Variants in CEP128 observed in about 807,000 individuals in gnomAD.
CEP128 encodes the protein centrosomal protein 128, also known as centrosomal protein 128kDa.
CEP128 carries 132 observed loss-of-function variants against 156.7 expected under a neutral mutation model. The observed-to-expected ratio is 0.84, with a 90% CI of 0.73 to 0.97. The LOEUF (loss-of-function observed/expected upper bound fraction) is 0.97, where lower values mean the gene tolerates loss of function less well. Ranked by LOEUF, CEP128 falls within the 50% of genes least tolerant of loss-of-function variation. The probability of loss-of-function intolerance (pLI) is 0.00; values close to 1 mark genes in which losing one functional copy is unlikely to be tolerated. For synonymous variants in CEP128, 469 were observed against 448.9 expected (o/e 1.04, Z -0.57); for missense variants, 1,252 against 1,281.9 (o/e 0.98, Z 0.36).
intron 8 of CEP128, among the ~76,000 whole-genome samples, chr14:80,875,243 G>C (rs1054119154): frequency 2.6e-5 from 4 of 152,144 alleles, no homozygotes; most frequent in Non-Finnish European, 5.9e-5. Context: ...AAATACTTAA[G>C]ACCCAGTACC....
At chr14:80,500,579 C>T (rs546752025) in intron 24 of CEP128, among the ~76,000 whole-genome samples, 1 of 152,294 alleles carries the variant, frequency 6.6e-6, no homozygotes, top group South Asian at 2.1e-4. Context: ...ATACACATAT[C>T]AAATAATACC....
intron 11 of CEP128, 44 bp from the exon 12 acceptor site, chr14:80,836,381 G>A (rs1595476618): frequency 1.2e-6 from 2 of 1,611,030 alleles, no homozygotes; most frequent in Non-Finnish European, 1.7e-6. Context: ...CACAATCAGA[G>A]AAAGACCTAC....
chr14:80,906,376 T>G (rs146021792), intron 4 of CEP128, among the ~76,000 whole-genome samples: 100 of 152,244 alleles, frequency 6.6e-4, no homozygotes, highest in African/African-American at 2.3e-3. Context: ...CAAATTGAAA[T>G]GTCTAATTGG....
intron 19 of CEP128, among the ~76,000 whole-genome samples, chr14:80,707,595 T>A (rs1415668676): frequency 2.6e-5 from 4 of 152,184 alleles, no homozygotes; most frequent in Non-Finnish European, 5.9e-5. Context: ...AAGCTGTACA[T>A]ACACATCAAA....
intron 12 of CEP128, among the ~76,000 whole-genome samples, chr14:80,834,049 C>G (rs1346234059): frequency 6.6e-6 from 1 of 152,086 alleles, no homozygotes. Flanking sequence ...TGAGCAACTC[C>G]ATTTGGAGGG....
chr14:80,580,455 T>A, intron 19 of CEP128, 32 bp from the exon 20 acceptor site: 1 of 1,436,566 alleles, frequency 7.0e-7, no homozygotes, highest in Non-Finnish European at 9.7e-7. Context: ...CCCATCAAAA[T>A]ACAATGTAAA....
intron 12 of CEP128, 60 bp from the exon 13 acceptor site, chr14:80,831,354 C>T (rs1029245382): frequency 5.3e-6 from 8 of 1,520,580 alleles, no homozygotes; most frequent in Non-Finnish European, 6.4e-6. Context: ...AATGTACTTT[C>T]AAATAGTACT....
At chr14:80,760,631 A>C (rs569099817) in intron 17 of CEP128, among the ~76,000 whole-genome samples, 3 of 152,084 alleles carry the variant, frequency 2.0e-5, no homozygotes, top group Non-Finnish European at 2.9e-5. Context: ...AATGATGCTA[A>C]ACTGTAATGT....
chr14:80,823,901 C>A (rs2140010418), intron 13 of CEP128, among the ~76,000 whole-genome samples: 1 of 152,366 alleles, frequency 6.6e-6, no homozygotes, highest in South Asian at 2.1e-4. Flanking sequence ...GGGATTCCAA[C>A]CCCACATTTC....
chr14:80,652,949 T>C (rs1214098554), intron 19 of CEP128, among the ~76,000 whole-genome samples: 3 of 152,162 alleles, frequency 2.0e-5, no homozygotes, highest in African/African-American at 7.2e-5. Flanking sequence ...CTAATGCCCA[T>C]TAATGATAGA....
At chr14:80,694,845 A>T (rs1444521540) in intron 19 of CEP128, among the ~76,000 whole-genome samples, 2 of 151,964 alleles carry the variant, frequency 1.3e-5, no homozygotes, top group African/African-American at 4.8e-5. Flanking sequence ...ACAGCAAACC[A>T]TCATGGCACA....
At chr14:80,798,623 CTTAT>C (rs749085844) in intron 13 of CEP128, among the ~76,000 whole-genome samples, 2 of 152,154 alleles carry the variant, frequency 1.3e-5, no homozygotes, top group Non-Finnish European at 2.9e-5. Flanking sequence ...GTGAATTCTC[CTTAT>C]TATTATTTAA....
intron 8 of CEP128, among the ~76,000 whole-genome samples, chr14:80,865,221 T>C (rs985053639): frequency 3.9e-5 from 6 of 152,246 alleles, no homozygotes; most frequent in Non-Finnish European, 7.3e-5. Flanking sequence ...CATAATGTCT[T>C]TCAGGTTCAT....
intron 13 of CEP128, among the ~76,000 whole-genome samples, chr14:80,824,775 C>T (rs184681355): frequency 4.0e-4 from 61 of 152,276 alleles, no homozygotes; most frequent in African/African-American, 1.4e-3. Flanking sequence ...TTCATGTATT[C>T]TTTTGAGTCT....
rs1489147261 is a variant in CEP128 at position 80,554,000 on chromosome 14, T to C, written c.2880+5279A>G. Among the ~76,000 whole-genome samples the C allele has an allele frequency of 4.6e-5, 7 of 152,336 alleles. No individual in the cohort carries two copies. In the East Asian group the frequency reaches 1.2e-3, roughly 25 times the overall value. ...GTGATTTACCCATAGAATTTTTCCA[T>C]ATGACCTTTATCAGATTAAGAAAGT... On this transcript the variant is annotated intron_variant, in intron 21 of 24. Transcript: ENST00000555265.
intron 1 of CEP128, 144 bp downstream of exon 1, chr14:80,941,437 C>T (rs1886150922): frequency 6.6e-6 from 1 of 152,416 alleles, no homozygotes; most frequent in African/African-American, 2.4e-5. Flanking sequence ...CCTCTGCACA[C>T]ACTCCACCCA....
chr14:80,542,942 C>G (rs1192372121), intron 21 of CEP128, among the ~76,000 whole-genome samples: 2 of 152,076 alleles, frequency 1.3e-5, no homozygotes, highest in African/African-American at 4.8e-5. Flanking sequence ...GGGCTATTTT[C>G]TTTTTTAGAG....
At chr14:80,477,049 T>C (rs1438217449) in exon 15 of CEP128, 1 of 152,208 alleles carries the variant, frequency 6.6e-6, no homozygotes, top group Non-Finnish European at 1.5e-5. Context: ...GGCACATTGT[T>C]GGCATTCCTA....
chr14:80,584,887 C>T (rs1308232390), intron 19 of CEP128, among the ~76,000 whole-genome samples: 1 of 152,208 alleles, frequency 6.6e-6, no homozygotes, highest in East Asian at 1.9e-4. Flanking sequence ...ATGGAAAGAG[C>T]TAAAGGGCTG....
Sources: allele counts gnomAD v4.1 joint callset (sites outside exome capture counted in the v4.1 genomes callset), GRCh38; gene constraint gnomAD v4.1.1; transcripts MANE v1.5; gene names NCBI Gene and HGNC (gene_info 2026-07-23, HGNC 2026-07-21).